Variants in FBRSL1 observed in about 807,000 individuals in gnomAD.
FBRSL1 encodes fibrosin-1-like protein.
FBRSL1 carries 51 observed loss-of-function variants against 89.6 expected under a neutral mutation model. The ratio of observed to expected loss-of-function variants is 0.57; its 90% CI spans 0.45 to 0.72. The LOEUF is 0.72. Among genes scored for constraint, FBRSL1 ranks in the 30% least tolerant of loss-of-function variants. FBRSL1 has a pLI of 0.00. For missense variants in FBRSL1, 1,618 were observed against 1,451.8 expected, an observed-to-expected ratio of 1.11 and a Z score of -1.86; for synonymous variants, 779 against 681.1, an observed-to-expected ratio of 1.14 and a Z score of -2.24.
intron 5 of FBRSL1, among the ~76,000 whole-genome samples, chr12:132,566,603 G>A (rs1452676069): frequency 1.3e-5 from 2 of 152,236 alleles, no homozygotes; most frequent in Non-Finnish European, 2.9e-5. Context: ...GGAAGAGATG[G>A]AGGAGTGGGG....
Position 132,546,892 on chromosome 12 carries a change from G to A in FBRSL1, c.616-1111G>A, listed in dbSNP as rs989202155. ...CTCCGTCGCTGAACACTCGGCAGCC[G>A]CGGCTGCACATGGAGGGTGGCTGTG... On this transcript the variant is annotated intron_variant, in intron 4 of 18. Coordinates refer to ENST00000680143, the MANE Select transcript of FBRSL1 (RefSeq NM_001367871.1). This position sits in a 1 kb window ranked among gnomAD's most constrained non-coding sequence, Gnocchi z 4.0. Among the ~76,000 whole-genome samples the A allele has an allele frequency of 2.0e-5, 3 of 152,246 alleles. No individual in the cohort carries two copies. The highest frequency in any genetic ancestry group is 4.4e-5 in the Non-Finnish European group (3 of 68,044).
intron 5 of FBRSL1, among the ~76,000 whole-genome samples, chr12:132,555,698 A>G (rs1481114634): frequency 1.3e-5 from 2 of 152,128 alleles, no homozygotes; most frequent in African/African-American, 4.8e-5. Flanking sequence ...TGGTGGTTGC[A>G]TTGCTCCTAT....
At chr12:132,495,771 G>A (rs1471520750) in intron 1 of FBRSL1, among the ~76,000 whole-genome samples, 1 of 152,218 alleles carries the variant, frequency 6.6e-6, no homozygotes, top group African/African-American at 2.4e-5. Flanking sequence ...AGCGTCGCTG[G>A]CCCCTCGGTC....
At chr12:132,506,699 C>T (rs186571417) in intron 1 of FBRSL1, among the ~76,000 whole-genome samples, 147 of 152,394 alleles carry the variant, frequency 9.6e-4, no homozygotes, top group South Asian at 4.1e-3. Flanking sequence ...GCGTCCACAG[C>T]TGCCTGGGAT....
At position 132,583,871 on chromosome 12, in the gene FBRSL1, G is replaced by A; in HGVS notation, c.*93G>A. The A allele has an allele frequency of 1.3e-6, 1 of 744,382 alleles. No individual in the cohort carries two copies. Among genetic ancestry groups the A allele is most frequent in the Non-Finnish European group, 1.7e-6 (1 of 578,854 alleles). The allele number at this position is 744,382 out of a possible 1,614,324, so 46.1% of individuals were successfully genotyped here. The stretch of plus-strand genomic sequence containing the variant: ...CTCAAGCACAGCTCCCGCCGATCCT[G>A]GGGCGGCGCCGCCTCTCCACCCGCA... On this transcript the variant is annotated 3_prime_UTR_variant, in exon 19 of 19. Transcript: ENST00000680143.
chr12:132,578,343 T>TCACTCACACACACACACACACA lies in FBRSL1; in HGVS notation c.1834+1415_1834+1416insTCACACACACACACACACACAC, dbSNP rs1555290113. Among the ~76,000 whole-genome samples the TCACTCACACACACACACACACA allele has an allele frequency of 2.1e-5, 3 of 141,008 alleles. No individual in the cohort carries two copies. The Admixed American group carries it at 2.2e-4, about 10-fold the overall frequency. 92.5% of individuals were successfully genotyped at this position (141,008 alleles called of 152,430 possible). On this transcript the variant is annotated intron_variant, in intron 15 of 18. Coordinates refer to ENST00000680143, the MANE Select transcript of FBRSL1 (RefSeq NM_001367871.1). ...CTGGGCAACAGAGCAAGACCCTGTC[T>TCACTCACACACACACACACACA]CACACACACACACACACACACACAA...
At chr12:132,494,463 C>G (rs1416584652) in intron 1 of FBRSL1, among the ~76,000 whole-genome samples, 1 of 152,230 alleles carries the variant, frequency 6.6e-6, no homozygotes. Flanking sequence ...GGGAGATAGG[C>G]CAGGCCTGCT....
At position 132,571,558 on chromosome 12, in the gene FBRSL1, G is replaced by A. The variant is rs1433617735; in HGVS notation, c.1377+327G>A. 7 of 1,327,560 alleles carry A rather than the reference G, an allele frequency of 5.3e-6. No individual in the cohort carries two copies. The African/African-American group carries it at 9.5e-5, about 18-fold the overall frequency. 82.2% of individuals were successfully genotyped at this position (1,327,560 alleles called of 1,614,324 possible). ...GCCCGCGTGCTGGCAGGGGGCGGGG[G>A]CGGGCGTGGGGCGGGGACACGCAGC... On this transcript the variant is annotated intron_variant, in intron 9 of 18. Transcript: ENST00000680143.
At chr12:132,491,144 C>T (rs984255120) in intron 1 of FBRSL1, among the ~76,000 whole-genome samples, 4 of 152,228 alleles carry the variant, frequency 2.6e-5, no homozygotes, top group Admixed American at 6.5e-5. Flanking sequence ...TCTGACAGCA[C>T]CGTCGGCCTT....
intron 2 of FBRSL1, among the ~76,000 whole-genome samples, chr12:132,508,839 G>C (rs2033999151): frequency 6.6e-6 from 1 of 152,224 alleles, no homozygotes; most frequent in South Asian, 2.1e-4. Flanking sequence ...GTGGTCAGGT[G>C]CGTGGCCCAG....
Position 132,546,001 on chromosome 12 carries a change from C to G in FBRSL1, c.616-2002C>G, listed in dbSNP as rs2037655347. On this transcript the variant is annotated intron_variant, in intron 4 of 18. Coordinates refer to ENST00000680143, the MANE Select transcript of FBRSL1 (RefSeq NM_001367871.1). This position sits in a 1 kb window ranked among gnomAD's most constrained non-coding sequence, Gnocchi z 4.0. The stretch of plus-strand genomic sequence containing the variant: ...AGGGCGCACTCCCTCTCGGCCCTCC[C>G]CAGGCTCCCCATGTGCAGAGGGCAT... Among the ~76,000 whole-genome samples, 2 of 152,226 alleles carry G rather than the reference C, an allele frequency of 1.3e-5. No homozygotes were observed. Among genetic ancestry groups the G allele is most frequent in the African/African-American group, 4.8e-5 (2 of 41,456 alleles).
At chr12:132,517,811 A>G (rs1047886774) in intron 2 of FBRSL1, among the ~76,000 whole-genome samples, 1 of 151,422 alleles carries the variant, frequency 6.6e-6, no homozygotes, top group Non-Finnish European at 1.5e-5. Context: ...GTTTTTACAA[A>G]CTCGTGGGGG....
chr12:132,572,784 G>C (rs2040124619), intron 11 of FBRSL1, among the ~76,000 whole-genome samples, 162 bp downstream of exon 11: 1 of 152,210 alleles, frequency 6.6e-6, no homozygotes, highest in Non-Finnish European at 1.5e-5. Context: ...TGCCAGGATG[G>C]GGGGCCCTGC....
At chr12:132,582,931 G>A (rs937207003) in intron 18 of FBRSL1, 40 bp from the exon 19 acceptor site, 1 of 1,350,912 alleles carries the variant, frequency 7.4e-7, no homozygotes, top group South Asian at 1.6e-5. Context: ...GCGGCAGGAC[G>A]GAGGTCTCGG....
At chr12:132,521,394 A>C (rs1490870738) in intron 2 of FBRSL1, among the ~76,000 whole-genome samples, 2 of 152,158 alleles carry the variant, frequency 1.3e-5, no homozygotes, top group African/African-American at 2.4e-5. Flanking sequence ...GCCCAGCCCA[A>C]CTAGGGGGTG....
chr12:132,493,283 G>A (rs1354574835), intron 1 of FBRSL1, among the ~76,000 whole-genome samples: 4 of 152,246 alleles, frequency 2.6e-5, no homozygotes, highest in African/African-American at 7.2e-5. Flanking sequence ...CCCCACCCGC[G>A]TCTTGAGGGC....
chr12:132,520,812 T>G (rs4400876), intron 2 of FBRSL1, among the ~76,000 whole-genome samples: 115,562 of 152,196 alleles, frequency 0.76, 44,163 homozygotes, highest in African/African-American at 0.86. Flanking sequence ...GGACTGTCCC[T>G]TCGGGAGCGA....
rs915801586 is a variant in FBRSL1 at position 132,538,952 on chromosome 12, G to A, written c.616-9051G>A. ...GGGCCCTGACCGGAGGGTGAGAGTG[G>A]CCTCCAGGGCTTCTGCCACAGATTC... On this transcript the variant is annotated intron_variant, in intron 4 of 18. Transcript: ENST00000680143. 1.2e-4 allele frequency among the ~76,000 whole-genome samples: 18 copies of A among 152,230 alleles called. 2 individuals are homozygous for A. Among genetic ancestry groups the A allele is most frequent in the African/African-American group, 4.1e-4 (17 of 41,522 alleles).
intron 4 of FBRSL1, among the ~76,000 whole-genome samples, chr12:132,547,251 G>A (rs554392251): frequency 6.7e-6 from 1 of 149,090 alleles, no homozygotes; most frequent in East Asian, 2.0e-4. Context: ...ACTGAAAACG[G>A]AGAACGGACA....
Sources: allele counts gnomAD v4.1 joint callset (sites outside exome capture counted in the v4.1 genomes callset), GRCh38; gene constraint gnomAD v4.1.1; non-coding constraint Gnocchi (gnomAD v3.1); transcripts MANE v1.5; gene names NCBI Gene and HGNC (gene_info 2026-07-23, HGNC 2026-07-21).